Variants in FGF9 observed in about 807,000 individuals in gnomAD.
FGF9 encodes the protein fibroblast growth factor 9 (glia-activating factor).
In FGF9, 3 loss-of-function variants were observed where a neutral mutation model predicts 19.9. The ratio of observed to expected loss-of-function variants is 0.15; its 90% confidence interval spans 0.07 to 0.39. The LOEUF (loss-of-function observed/expected upper bound fraction) is 0.39, where lower values mean the gene tolerates loss of function less well. Among genes scored for constraint, FGF9 ranks in the 10% least tolerant of loss-of-function variants. The probability of loss-of-function intolerance (pLI) is 1.00; values close to 1 mark genes in which losing one functional copy is unlikely to be tolerated. For synonymous variants in FGF9, 107 were observed against 106.9 expected, an observed-to-expected ratio of 1.00 and a Z score of -0.01; for missense variants, 175 against 256.8, an observed-to-expected ratio of 0.68 and a Z score of 2.18.
chr13:21,674,639 C>T (rs1177279962), intron 1 of FGF9, among the ~76,000 whole-genome samples: 1 of 151,946 alleles, frequency 6.6e-6, no homozygotes, highest in Non-Finnish European at 1.5e-5. Context: ...CACGACTGGG[C>T]CCTGGTGTGC....
At chr13:21,679,976 A>AAAAG (rs1565949377) in intron 1 of FGF9, among the ~76,000 whole-genome samples, 1 of 151,058 alleles carries the variant, frequency 6.6e-6, no homozygotes, top group African/African-American at 2.4e-5. Context: ...AAAAAAAAAA[A>AAAAG]AATTAGCAGT....
chr13:21,681,198 G>C (rs1872035610), intron 2 of FGF9, 53 bp downstream of exon 2: 8 of 1,308,180 alleles, frequency 6.1e-6, no homozygotes, highest in Non-Finnish European at 7.7e-6. Context: ...GATTTGAACA[G>C]CTGTCTTTTC....
At chr13:21,676,739 G>A (rs1007659754) in intron 1 of FGF9, among the ~76,000 whole-genome samples, 24 of 152,170 alleles carry the variant, frequency 1.6e-4, no homozygotes, top group African/African-American at 4.8e-4. Context: ...TGAAGAGTGC[G>A]GTTCTGTAAT....
At chr13:21,686,022 G>A (rs891465485) in intron 2 of FGF9, among the ~76,000 whole-genome samples, 10 of 152,152 alleles carry the variant, frequency 6.6e-5, no homozygotes, top group Admixed American at 2.0e-4. Context: ...ATTACTTTTA[G>A]AGTCTTAATC....
At chr13:21,683,065 T>A (rs1240815573) in intron 2 of FGF9, among the ~76,000 whole-genome samples, 1 of 152,220 alleles carries the variant, frequency 6.6e-6, no homozygotes, top group Non-Finnish European at 1.5e-5. Context: ...AGGGCCCTAC[T>A]ATTTGTTCCC....
At chr13:21,686,161 C>T (rs1312875747) in intron 2 of FGF9, among the ~76,000 whole-genome samples, 1 of 152,130 alleles carries the variant, frequency 6.6e-6, no homozygotes, top group South Asian at 2.1e-4. Flanking sequence ...TCCCGAGTAG[C>T]GGGGATTACA....
At chr13:21,700,730 G>A (rs977742857) in intron 2 of FGF9, among the ~76,000 whole-genome samples, 1 of 152,180 alleles carries the variant, frequency 6.6e-6, no homozygotes, top group Non-Finnish European at 1.5e-5. Flanking sequence ...TGGGAACAAC[G>A]TATGACATTA....
rs1350263817 is a variant in FGF9, at chr13:21,701,474, C to G, written c.*39C>G. The G allele has an allele frequency of 1.2e-6, 2 of 1,613,688 alleles. No homozygotes were observed. Among genetic ancestry groups the G allele is most frequent in the East Asian group, 2.2e-5 (1 of 44,878 alleles). The stretch of plus-strand genomic sequence containing the variant: ...TTCACTTGAGCCCTTAAAAAAGTAA[C>G]CACTATAAAGGTTTCACGCGGTGGG... On this transcript the variant is annotated 3_prime_UTR_variant, in exon 3 of 3. Transcript: ENST00000382353.
chr13:21,688,751 G>GTTT (rs771303008), intron 2 of FGF9, among the ~76,000 whole-genome samples: 1 of 128,468 alleles, frequency 7.8e-6, no homozygotes. Context: ...GATTTTGGAG[G>GTTT]ATTTTTTTTT....
intron 2 of FGF9, 151 bp downstream of exon 2, chr13:21,681,296 T>G (rs1872038101): frequency 1.6e-6 from 1 of 632,386 alleles, no homozygotes; most frequent in African/African-American, 1.8e-5. Flanking sequence ...CATTTTATTT[T>G]TATTAATAGA....
intron 2 of FGF9, among the ~76,000 whole-genome samples, chr13:21,689,967 CCT>C (rs1023736377): frequency 7.9e-5 from 12 of 152,310 alleles, no homozygotes; most frequent in East Asian, 3.9e-4. Flanking sequence ...CCACATCACC[CCT>C]GTTTTCAGAA....
At chr13:21,688,953 A>G (rs750028274) in intron 2 of FGF9, among the ~76,000 whole-genome samples, 1 of 152,220 alleles carries the variant, frequency 6.6e-6, no homozygotes, top group African/African-American at 2.4e-5. Flanking sequence ...GCTAGTATAG[A>G]ACACAGGTCT....
intron 1 of FGF9, among the ~76,000 whole-genome samples, chr13:21,678,439 A>C (rs1871965300): frequency 6.6e-6 from 1 of 152,202 alleles, no homozygotes; most frequent in Non-Finnish European, 1.5e-5. Context: ...GGGGATTAGA[A>C]TATTGTAATG....
Position 21,671,840 on chromosome 13 carries a change from A to G in FGF9, c.-73A>G. 1 of 1,574,204 alleles carries G rather than the reference A, an allele frequency of 6.4e-7. No homozygotes were observed. The highest frequency in any genetic ancestry group is 8.7e-7 in the Non-Finnish European group (1 of 1,144,048). On this transcript the variant is annotated 5_prime_UTR_variant, in exon 1 of 3. It adds an upstream start codon to the 5' untranslated region. Transcript: ENST00000382353. ...GCAGTAAGGGAGGGGAGTTGGATATACCTCGCCTAATATCTCCTGGGTTGA... is the reference window on the plus strand; with the variant it reads ...GCAGTAAGGGAGGGGAGTTGGATATGCCTCGCCTAATATCTCCTGGGTTGA...
At chr13:21,698,822 A>G (rs1872475729) in intron 2 of FGF9, among the ~76,000 whole-genome samples, 1 of 152,160 alleles carries the variant, frequency 6.6e-6, no homozygotes, top group Non-Finnish European at 1.5e-5. Flanking sequence ...CTGACTTTTA[A>G]TTAGTTTTTC....
rs1241634028 is a variant in FGF9 at position 21,703,259 on chromosome 13, A to G, written c.*1824A>G. The G allele has an allele frequency of 6.6e-6, 1 of 152,248 alleles. No homozygotes were observed. The highest frequency in any genetic ancestry group is 6.5e-5 in the Admixed American group (1 of 15,284). 9.4% of individuals were successfully genotyped at this position (152,248 alleles called of 1,614,324 possible). ...TATTTTGCTCTGATGCACATTCTCT[A>G]TGAAAAATAAAAGTGTGTCACTGGT... On this transcript the variant is annotated 3_prime_UTR_variant, in exon 3 of 3. Transcript: ENST00000382353.
chr13:21,681,748 G>T (rs1435686762), intron 2 of FGF9, among the ~76,000 whole-genome samples: 2 of 152,364 alleles, frequency 1.3e-5, no homozygotes, highest in East Asian at 3.9e-4. Context: ...CCAGGTGCCA[G>T]ACAGGCACTG....
intron 2 of FGF9, among the ~76,000 whole-genome samples, chr13:21,690,902 A>T (rs1455330722): frequency 6.6e-6 from 1 of 152,258 alleles, no homozygotes; most frequent in Non-Finnish European, 1.5e-5. Flanking sequence ...GAAGGCTGTA[A>T]TGCGGCTTAA....
intron 1 of FGF9, among the ~76,000 whole-genome samples, chr13:21,674,505 G>C (rs531719458): frequency 0.011 from 1,723 of 152,028 alleles, 32 homozygotes; most frequent in African/African-American, 0.034. Context: ...GGGGAGCCCG[G>C]GGTGTGCGCG....
Sources: allele counts gnomAD v4.1 joint callset (sites outside exome capture counted in the v4.1 genomes callset), GRCh38; gene constraint gnomAD v4.1.1; transcripts MANE v1.5; gene names NCBI Gene and HGNC (gene_info 2026-07-23, HGNC 2026-07-21).